Variants in DMD observed in about 807,000 individuals in gnomAD.
DMD encodes mutant dystrophin.
DMD carries 63 observed loss-of-function variants against 330.1 expected under a neutral mutation model. The observed-to-expected ratio is 0.19, with a 90% CI of 0.16 to 0.24. The LOEUF (loss-of-function observed/expected upper bound fraction) is 0.24. Among genes scored for constraint, DMD ranks in the 10% least tolerant of loss-of-function variants. DMD has a pLI of 1.00. For missense variants in DMD, 3,344 were observed against 2,684.1 expected, an observed-to-expected ratio of 1.25 and a Z score of -5.43; for synonymous variants, 1,223 against 959.8, an observed-to-expected ratio of 1.27 and a Z score of -5.07.
intron 53 of DMD, among the ~76,000 whole-genome samples, chrX:31,678,926 C>A (rs1425004567): frequency 8.9e-6 from 1 of 112,322 alleles, no homozygotes; most frequent in Non-Finnish European, 1.9e-5. Flanking sequence ...CCTCTATTCT[C>A]TACCTTGACT....
chrX:31,146,297 A>G lies in DMD; in HGVS notation c.10915T>C (p.Ser3639Pro), dbSNP rs990606875. ...LRVVGSQTSD[S>P]MGEEDLLSPP... Reference sequence around the variant, plus strand: ...GAGTAGCTAGGACACTTACCCATGGAGTCCGAAGTTTGACTGCCAACCACT... The same window carrying G: ...GAGTAGCTAGGACACTTACCCATGGGGTCCGAAGTTTGACTGCCAACCACT... The change falls in exon 76 of 79, where the codon TCC (serine) becomes CCC (proline). Residue 3639 changes from serine to proline, a missense_variant. Ser to Pro is a moderately conservative substitution (Grantham distance 74, BLOSUM62 -1). Coordinates refer to ENST00000357033, the MANE Select transcript of DMD (RefSeq NM_004006.3). 1 of 1,210,935 alleles carries G rather than the reference A, an allele frequency of 8.3e-7. No individual in the cohort carries two copies. Among genetic ancestry groups the G allele is most frequent in the African/African-American group, 1.7e-5 (1 of 57,801 alleles).
chrX:33,135,742 A>G (rs968892202), intron 1 of DMD, among the ~76,000 whole-genome samples: 1 of 112,055 alleles, frequency 8.9e-6, no homozygotes, highest in Non-Finnish European at 1.9e-5. Flanking sequence ...TTGTTATTGC[A>G]CCAATTTTCA....
intron 64 of DMD, among the ~76,000 whole-genome samples, chrX:31,219,745 A>G (rs1042531934): frequency 1.8e-5 from 2 of 109,700 alleles, no homozygotes; most frequent in Non-Finnish European, 3.8e-5. Flanking sequence ...TCCCACGAAT[A>G]CTATATGTTT....
intron 1 of DMD, among the ~76,000 whole-genome samples, chrX:33,148,186 A>G (rs1017140191): frequency 8.9e-6 from 1 of 112,465 alleles, no homozygotes; most frequent in Non-Finnish European, 1.9e-5. Flanking sequence ...AATAACCAGT[A>G]CTGCTCAAGA....
chrX:31,162,603 C>T (rs1321632257), intron 74 of DMD, among the ~76,000 whole-genome samples: 1 of 109,633 alleles, frequency 9.1e-6, no homozygotes, highest in Non-Finnish European at 1.9e-5. Flanking sequence ...TTCTAAGACA[C>T]AGGATGCTGT....
chrX:32,062,485 AT>A (rs1406356232), intron 44 of DMD, among the ~76,000 whole-genome samples: 1 of 110,973 alleles, frequency 9.0e-6, no homozygotes, highest in African/African-American at 3.3e-5. Flanking sequence ...ACACGTTCAT[AT>A]GAATACAGAT....
At chrX:33,065,777 T>G (rs2094644530) in intron 1 of DMD, among the ~76,000 whole-genome samples, 1 of 112,298 alleles carries the variant, frequency 8.9e-6, no homozygotes, top group African/African-American at 3.2e-5. Flanking sequence ...CATCCTCATC[T>G]CACTATATGA....
intron 14 of DMD, 28 bp downstream of exon 14, chrX:32,573,717 T>C (rs1388051684): frequency 1.7e-6 from 2 of 1,198,259 alleles, no homozygotes; most frequent in East Asian, 5.9e-5. Context: ...CCGTGTCTTT[T>C]ACAGCTAGTT....
chrX:33,119,460 C>G (rs937890035), intron 1 of DMD, among the ~76,000 whole-genome samples: 2 of 112,237 alleles, frequency 1.8e-5, no homozygotes, highest in African/African-American at 6.5e-5. Flanking sequence ...TACTGCGTGA[C>G]TGACAATATG....
At chrX:32,828,636 T>C (rs1490386953) in intron 4 of DMD, among the ~76,000 whole-genome samples, 1 of 110,524 alleles carries the variant, frequency 9.0e-6, no homozygotes, top group African/African-American at 3.3e-5. Flanking sequence ...TATATACATA[T>C]GTATACATCT....
chrX:32,509,201 A>T (rs867393279), intron 18 of DMD, among the ~76,000 whole-genome samples: 1,991 of 109,907 alleles, frequency 0.018, 47 homozygotes, highest in African/African-American at 0.063. Flanking sequence ...AAAAAAAAAA[A>T]AAAAAAAGGT....
At chrX:31,217,851 C>A (rs150083354) in intron 64 of DMD, among the ~76,000 whole-genome samples, 2,197 of 112,069 alleles carry the variant, frequency 0.02, 19 homozygotes, top group Middle Eastern at 0.032. Flanking sequence ...AATTTAGATA[C>A]ATACACCTTA....
intron 44 of DMD, among the ~76,000 whole-genome samples, chrX:32,066,371 T>C (rs1902347108): frequency 8.9e-6 from 1 of 111,733 alleles, no homozygotes; most frequent in South Asian, 3.7e-4. Context: ...TGTTCTAATG[T>C]CCATTTTATT....
chrX:31,786,850 GC>G (rs2091326922), intron 50 of DMD, among the ~76,000 whole-genome samples: 1 of 111,600 alleles, frequency 9.0e-6, no homozygotes, highest in Non-Finnish European at 1.9e-5. Context: ...AGTAGCAACT[GC>G]AGTGTGGATG....
At chrX:33,125,167 G>A (rs182873214) in intron 1 of DMD, among the ~76,000 whole-genome samples, 1,940 of 109,589 alleles carry the variant, frequency 0.018, 50 homozygotes, top group African/African-American at 0.061. Context: ...GAGCCAGGCT[G>A]AAATAATTCA....
intron 43 of DMD, among the ~76,000 whole-genome samples, chrX:32,286,599 C>G (rs1449329579): frequency 1.8e-5 from 2 of 111,788 alleles, no homozygotes; most frequent in Non-Finnish European, 3.8e-5. Flanking sequence ...AGTACCAAAG[C>G]TCTTACACTT....
At chrX:31,558,493 C>T (rs767536748) in intron 55 of DMD, among the ~76,000 whole-genome samples, 20 of 111,263 alleles carry the variant, frequency 1.8e-4, no homozygotes, top group Non-Finnish European at 3.4e-4. Context: ...GATGTTGAGG[C>T]TTCAATCACA....
intron 1 of DMD, among the ~76,000 whole-genome samples, chrX:33,075,761 C>T (rs757667510): frequency 5.1e-4 from 57 of 111,735 alleles, no homozygotes; most frequent in Middle Eastern, 9.2e-3. Flanking sequence ...CTCCCTCTTG[C>T]ATCTAAGCCC....
chrX:33,042,905 C>T (rs1296145572), intron 1 of DMD, among the ~76,000 whole-genome samples: 1 of 111,645 alleles, frequency 9.0e-6, no homozygotes, highest in Non-Finnish European at 1.9e-5. Context: ...TCATTCAGGA[C>T]TCAGGCAGAC....
Sources: gnomAD v4.1 joint callset for allele counts (sites outside exome capture counted in the v4.1 genomes callset) on GRCh38, gnomAD v4.1.1 for gene constraint, MANE v1.5 for transcripts, NCBI Gene and HGNC (gene_info 2026-07-23, HGNC 2026-07-21) for gene names.